GNAQ: variants seen among roughly 807,000 people sequenced by gnomAD.
The protein encoded by GNAQ is G protein subunit alpha q.
A neutral mutation model predicts 43.9 loss-of-function variants in GNAQ; 8 were observed. The observed-to-expected ratio is 0.18, with a 90% CI of 0.11 to 0.33. The LOEUF is 0.33. GNAQ is among the 10% of genes least tolerant of loss of function. The probability of loss-of-function intolerance (pLI) is 1.00; values close to 1 mark genes in which losing one functional copy is unlikely to be tolerated. For synonymous variants in GNAQ, 155 were observed against 170.7 expected, an observed-to-expected ratio of 0.91 and a Z score of 0.71; for missense variants, 158 against 450.8, an observed-to-expected ratio of 0.35 and a Z score of 5.88.
At chr9:77,807,565 C>T (rs1230601041) in intron 3 of GNAQ, among the ~76,000 whole-genome samples, 2 of 152,174 alleles carry the variant, frequency 1.3e-5, no homozygotes, top group African/African-American at 2.4e-5. Context: ...GAAATATGAT[C>T]TAGAACTTTC....
intron 5 of GNAQ, among the ~76,000 whole-genome samples, chr9:77,759,543 C>T (rs1380585552): frequency 1.3e-5 from 2 of 152,144 alleles, no homozygotes; most frequent in South Asian, 2.1e-4. Context: ...AACTACAGCA[C>T]GTGACTCTAA....
chr9:77,873,646 G>C (rs570964389), intron 2 of GNAQ, among the ~76,000 whole-genome samples: 1 of 152,326 alleles, frequency 6.6e-6, no homozygotes, highest in Non-Finnish European at 1.5e-5. Flanking sequence ...GATTCCTGGA[G>C]AAAGACAGCA....
At chr9:77,761,360 G>A (rs1238493192) in intron 5 of GNAQ, among the ~76,000 whole-genome samples, 7 of 138,488 alleles carry the variant, frequency 5.1e-5, no homozygotes, top group Admixed American at 1.4e-4. Flanking sequence ...CGCCCCGTCC[G>A]GGAGGTGAGG....
At chr9:77,989,328 A>AT (rs1463555329) in intron 1 of GNAQ, among the ~76,000 whole-genome samples, 1 of 152,160 alleles carries the variant, frequency 6.6e-6, no homozygotes, top group Non-Finnish European at 1.5e-5. Flanking sequence ...CCATCCCCTC[A>AT]TGTGCATCAA....
At chr9:77,788,676 T>C (rs914024994) in intron 5 of GNAQ, among the ~76,000 whole-genome samples, 1 of 152,208 alleles carries the variant, frequency 6.6e-6, no homozygotes, top group Admixed American at 6.5e-5. Context: ...TATAATTATA[T>C]ACTCTTTTCT....
At chr9:77,758,625 T>C (rs559538091) in intron 5 of GNAQ, among the ~76,000 whole-genome samples, 33 of 152,326 alleles carry the variant, frequency 2.2e-4, no homozygotes, top group Admixed American at 1.8e-3. Flanking sequence ...AAAAATTTAA[T>C]TTACAAATAA....
chr9:77,760,027 C>T (rs1825968024), intron 5 of GNAQ, among the ~76,000 whole-genome samples: 1 of 149,180 alleles, frequency 6.7e-6, no homozygotes, highest in African/African-American at 2.5e-5. Flanking sequence ...TTCCAAAGCG[C>T]TGCAATTACA....
At chr9:77,973,146 A>C (rs1823258679) in intron 1 of GNAQ, among the ~76,000 whole-genome samples, 2 of 152,144 alleles carry the variant, frequency 1.3e-5, no homozygotes, top group Non-Finnish European at 2.9e-5. Context: ...AAATGATTCT[A>C]AATTTTATAT....
At chr9:77,892,595 T>C (rs1828423322) in intron 2 of GNAQ, among the ~76,000 whole-genome samples, 1 of 152,224 alleles carries the variant, frequency 6.6e-6, no homozygotes, top group Non-Finnish European at 1.5e-5. Flanking sequence ...GCGAGTGATC[T>C]TTAACAACAG....
At chr9:77,934,236 A>T (rs2118317956) in intron 1 of GNAQ, among the ~76,000 whole-genome samples, 1 of 151,990 alleles carries the variant, frequency 6.6e-6, no homozygotes, top group African/African-American at 2.4e-5. Flanking sequence ...GGCCTGGATG[A>T]CCTCAAGGGT....
chr9:77,941,902 A>G (rs1363524562), intron 1 of GNAQ, among the ~76,000 whole-genome samples: 1 of 112,086 alleles, frequency 8.9e-6, no homozygotes, highest in African/African-American at 3.6e-5. Flanking sequence ...TACATACAAC[A>G]TACATACACA....
chr9:77,837,126 A>T (rs1265126609), intron 2 of GNAQ, among the ~76,000 whole-genome samples: 3 of 152,196 alleles, frequency 2.0e-5, no homozygotes, highest in African/African-American at 7.2e-5. Flanking sequence ...TAGTTCAAGT[A>T]AAATTAAGTA....
intron 2 of GNAQ, among the ~76,000 whole-genome samples, chr9:77,883,172 A>G (rs984505306): frequency 9.9e-5 from 15 of 152,178 alleles, no homozygotes; most frequent in African/African-American, 3.6e-4. Flanking sequence ...ACTGAAATAT[A>G]ACTGATGTCC....
At chr9:77,889,796 A>G (rs1384836774) in intron 2 of GNAQ, among the ~76,000 whole-genome samples, 2 of 152,306 alleles carry the variant, frequency 1.3e-5, no homozygotes, top group East Asian at 3.9e-4. Context: ...ATGCACAACT[A>G]TCTTTATACC....
At chr9:77,741,881 G>A (rs1825658561) in intron 5 of GNAQ, among the ~76,000 whole-genome samples, 1 of 152,186 alleles carries the variant, frequency 6.6e-6, no homozygotes, top group Admixed American at 6.5e-5. Flanking sequence ...GACAAGTTAA[G>A]GAGGGCAGGG....
At chr9:77,905,847 G>A (rs1418241017) in intron 2 of GNAQ, among the ~76,000 whole-genome samples, 1 of 152,098 alleles carries the variant, frequency 6.6e-6, no homozygotes, top group Non-Finnish European at 1.5e-5. Flanking sequence ...ACCAAGCACC[G>A]CATGTTCTCT....
chr9:77,949,767 T>C (rs2118375872), intron 1 of GNAQ, among the ~76,000 whole-genome samples: 1 of 152,320 alleles, frequency 6.6e-6, no homozygotes, highest in Middle Eastern at 3.4e-3. Context: ...ATGCACATTC[T>C]CCTTGTGGGC....
intron 3 of GNAQ, among the ~76,000 whole-genome samples, chr9:77,810,839 A>G (rs1038823977): frequency 6.6e-6 from 1 of 152,220 alleles, no homozygotes; most frequent in Non-Finnish European, 1.5e-5. Flanking sequence ...AATAAAAGAG[A>G]TATGTACACA....
intron 1 of GNAQ, among the ~76,000 whole-genome samples, chr9:77,985,420 T>G (rs1486712716): frequency 6.6e-6 from 1 of 152,132 alleles, no homozygotes; most frequent in Non-Finnish European, 1.5e-5. Context: ...CTGAAGACAT[T>G]AATTGTGAGC....
Sources: gnomAD v4.1 joint callset for allele counts (sites outside exome capture counted in the v4.1 genomes callset) on GRCh38, gnomAD v4.1.1 for gene constraint, MANE v1.5 for transcripts, NCBI Gene and HGNC (gene_info 2026-07-23, HGNC 2026-07-21) for gene names.